The following NRXN1 variants were observed in gnomAD, a reference collection of about 807,000 sequenced individuals.
The protein encoded by NRXN1 is neurexin 1.
A neutral mutation model predicts 150.9 loss-of-function variants in NRXN1; 39 were observed. That is an observed-to-expected ratio of 0.26 (90% CI 0.20 to 0.34). The LOEUF (loss-of-function observed/expected upper bound fraction) is 0.34. Among genes scored for constraint, NRXN1 ranks in the 10% least tolerant of loss-of-function variants. The pLI is 1.00. For missense variants in NRXN1, 1,815 were observed against 1,949.9 expected (o/e 0.93, Z 1.30); for synonymous variants, 924 against 757.0 (o/e 1.22, Z -3.62).
chr2:50,252,553 C>A (rs1316969009), intron 17 of NRXN1, among the ~76,000 whole-genome samples: 2 of 151,926 alleles, frequency 1.3e-5, no homozygotes, highest in Non-Finnish European at 2.9e-5. Context: ...GCCACTGCGT[C>A]CAGCACATTT....
At chr2:50,005,291 T>C (rs567896237) in intron 21 of NRXN1, among the ~76,000 whole-genome samples, 56 of 152,246 alleles carry the variant, frequency 3.7e-4, no homozygotes, top group African/African-American at 1.2e-3. Context: ...GACAAAGATA[T>C]GGTATACTAT....
intron 17 of NRXN1, chr2:50,312,603 A>G: frequency 2.4e-6 from 1 of 418,712 alleles, no homozygotes; most frequent in Non-Finnish European, 4.8e-6. Context: ...CTCTCTCTCC[A>G]GGCTCTCATC....
intron 18 of NRXN1, among the ~76,000 whole-genome samples, chr2:50,177,719 T>C (rs2060436009): frequency 6.6e-6 from 1 of 151,652 alleles, no homozygotes; most frequent in Non-Finnish European, 1.5e-5. Context: ...CTCTAGAATG[T>C]TTCCTGAAAA....
intron 19 of NRXN1, among the ~76,000 whole-genome samples, chr2:50,061,563 C>G (rs1694539709): frequency 6.6e-6 from 1 of 152,172 alleles, no homozygotes; most frequent in Admixed American, 6.5e-5. Context: ...AAATGACCCA[C>G]TTTTCAAAGA....
intron 17 of NRXN1, among the ~76,000 whole-genome samples, chr2:50,446,508 G>C (rs1211652863): frequency 4.1e-5 from 3 of 73,740 alleles, no homozygotes; most frequent in Admixed American, 1.9e-4. Context: ...CTCCTTCCCC[G>C]TCTTCCTCCC....
intron 17 of NRXN1, among the ~76,000 whole-genome samples, chr2:50,283,568 G>T (rs531550232): frequency 6.6e-6 from 1 of 152,144 alleles, no homozygotes; most frequent in Admixed American, 6.5e-5. Flanking sequence ...AATGAAGAAC[G>T]CATTGACACA....
At chr2:50,486,792 A>G (rs908132878) in intron 15 of NRXN1, among the ~76,000 whole-genome samples, 1 of 152,126 alleles carries the variant, frequency 6.6e-6, no homozygotes, top group African/African-American at 2.4e-5. Flanking sequence ...GTACTAGGGT[A>G]GTTATGGGAA....
At chr2:50,913,020 A>C (rs917347665) in intron 5 of NRXN1, 1 of 151,850 alleles carries the variant, frequency 6.6e-6, no homozygotes, top group Non-Finnish European at 1.5e-5. Flanking sequence ...CTGGTCACTG[A>C]AAGTACCGAT....
At chr2:50,974,842 C>CATAATTAAATT (rs1318838141) in intron 2 of NRXN1, among the ~76,000 whole-genome samples, 3 of 152,102 alleles carry the variant, frequency 2.0e-5, no homozygotes, top group Non-Finnish European at 2.9e-5. Context: ...TCCCACGACT[C>CATAATTAAATT]ATAATTAAAT....
At chr2:50,029,567 A>G (rs1267492899) in intron 21 of NRXN1, among the ~76,000 whole-genome samples, 1 of 152,138 alleles carries the variant, frequency 6.6e-6, no homozygotes, top group East Asian at 1.9e-4. Flanking sequence ...CGCAGGAACT[A>G]AGGAAAGGCC....
At chr2:50,563,091 C>A (rs1053671705) in intron 8 of NRXN1, among the ~76,000 whole-genome samples, 2 of 152,022 alleles carry the variant, frequency 1.3e-5, no homozygotes, top group Non-Finnish European at 2.9e-5. Flanking sequence ...TTTTAAATGA[C>A]CATAACTTAT....
At chr2:50,368,798 A>T (rs1250747232) in intron 17 of NRXN1, among the ~76,000 whole-genome samples, 3 of 152,010 alleles carry the variant, frequency 2.0e-5, no homozygotes, top group Admixed American at 1.3e-4. Context: ...TATTGATGAT[A>T]CTCAACATAC....
rs2091938457 is a variant in NRXN1, at chr2:50,501,406, T to TGTGTGTGTGTGTGA, written c.2498-3693_2498-3692insTCACACACACACAC. 2.6e-5 allele frequency among the ~76,000 whole-genome samples: 4 copies of TGTGTGTGTGTGTGA among 151,392 alleles called. No individual in the cohort carries two copies. The South Asian group carries it at 8.4e-4, about 32-fold the overall frequency. On this transcript the variant is annotated intron_variant, in intron 13 of 22. Transcript: ENST00000401669. ...GTGTATGTGTGTGTGTGTGAGTGTGTGTGTGTGTGTGTGTGTGTGTTTATT... is the reference window on the plus strand; with the variant it reads ...GTGTATGTGTGTGTGTGTGAGTGTGTGTGTGTGTGTGTGAGTGTGTGTGTGTGTGTGTGTTTATT...
At chr2:50,747,657 C>G (rs911983065) in intron 5 of NRXN1, among the ~76,000 whole-genome samples, 3 of 152,026 alleles carry the variant, frequency 2.0e-5, no homozygotes, top group African/African-American at 7.2e-5. Context: ...GGTCAAGATT[C>G]TATTATCTTT....
intron 15 of NRXN1, among the ~76,000 whole-genome samples, chr2:50,491,428 G>C (rs1277551765): frequency 6.6e-6 from 1 of 152,170 alleles, no homozygotes; most frequent in African/African-American, 2.4e-5. Context: ...TTTCTGATTA[G>C]GGACATTTAA....
At chr2:50,835,687 A>G (rs552870813) in intron 5 of NRXN1, among the ~76,000 whole-genome samples, 2 of 152,336 alleles carry the variant, frequency 1.3e-5, no homozygotes, top group East Asian at 3.9e-4. Context: ...TTCAAAAATA[A>G]AAATAATCTT....
intron 2 of NRXN1, among the ~76,000 whole-genome samples, chr2:51,005,689 T>C (rs978610972): frequency 6.6e-6 from 1 of 151,632 alleles, no homozygotes; most frequent in Admixed American, 6.6e-5. Flanking sequence ...ATCACCCAAT[T>C]GCAAAAATAA....
chr2:50,087,189 T>A (rs1698909386), intron 19 of NRXN1, among the ~76,000 whole-genome samples: 1 of 152,190 alleles, frequency 6.6e-6, no homozygotes, highest in Non-Finnish European at 1.5e-5. Context: ...ATGATAACTC[T>A]AGCACTTTCT....
chr2:50,367,616 C>T (rs1372134820), intron 17 of NRXN1, among the ~76,000 whole-genome samples: 1 of 151,998 alleles, frequency 6.6e-6, no homozygotes, highest in African/African-American at 2.4e-5. Context: ...CTGAGCTGGG[C>T]AGATCCCCAT....
Sources: allele counts gnomAD v4.1 joint callset (sites outside exome capture counted in the v4.1 genomes callset), GRCh38; gene constraint gnomAD v4.1.1; transcripts MANE v1.5; gene names NCBI Gene and HGNC (gene_info 2026-07-23, HGNC 2026-07-21).